Variants in PAN2 observed in about 807,000 individuals in gnomAD.
The protein encoded by PAN2 is PAN2-PAN3 deadenylation complex catalytic subunit PAN2.
A neutral mutation model predicts 133.3 loss-of-function variants in PAN2; 68 were observed. The ratio of observed to expected loss-of-function variants is 0.51; its 90% CI spans 0.42 to 0.62. The LOEUF (loss-of-function observed/expected upper bound fraction) is 0.62. Ranked by LOEUF, PAN2 falls within the 20% of genes least tolerant of loss-of-function variation. PAN2 has a pLI of 0.00. For missense variants in PAN2, 1,042 were observed against 1,500.5 expected (o/e 0.69, Z 5.05); for synonymous variants, 462 against 544.6 (o/e 0.85, Z 2.11).
intron 2 of PAN2, among the ~76,000 whole-genome samples, chr12:56,332,011 C>G (rs546677270): frequency 1.3e-5 from 2 of 152,138 alleles, no homozygotes; most frequent in South Asian, 4.1e-4. Context: ...CCGGTCCCGG[C>G]CGGACAGCAC....
chr12:56,329,942 TAAAAA>T (rs11304868), intron 2 of PAN2, among the ~76,000 whole-genome samples: 2 of 130,136 alleles, frequency 1.5e-5, no homozygotes, highest in Non-Finnish European at 1.6e-5. Flanking sequence ...AGATTCCACC[TAAAAA>T]AAAAAAAAAA....
In PAN2 at chr12:56,326,759, ACT is replaced by A; in HGVS notation, c.1118_1119del (p.Glu373ValfsTer32). The A allele has an allele frequency of 6.2e-6, 10 of 1,614,192 alleles. No homozygotes were observed. Among genetic ancestry groups the A allele is most frequent in the Non-Finnish European group, 8.5e-6 (10 of 1,180,036 alleles). ...GAGTCCACGAGACACGGCAAAGCAA[ACT>A]CAGTCTCACGGGAGTAGGGGTTGAA... ...PSFNPYSRET[E>X]FALPCLVDSL... On this transcript the variant is annotated frameshift_variant, in exon 7 of 26. Coordinates refer to ENST00000440411, the MANE Select transcript of PAN2 (RefSeq NM_014871.6). LOFTEE classifies it high-confidence loss of function.
chr12:56,327,894 C>T (rs1189664647), intron 5 of PAN2, 101 bp downstream of exon 5: 1 of 1,555,564 alleles, frequency 6.4e-7, no homozygotes, highest in Non-Finnish European at 8.7e-7. Flanking sequence ...CATCCCTCAC[C>T]TCCAATCCAA....
intron 20 of PAN2, 137 bp downstream of exon 20, chr12:56,321,941 A>T: frequency 1.8e-6 from 1 of 552,224 alleles, no homozygotes; most frequent in Non-Finnish European, 3.3e-6. Context: ...AGGTCTGATG[A>T]GCAGGAATCT....
In PAN2 at chr12:56,317,328, G is replaced by T; in HGVS notation, c.*281C>A. 2.2e-6 allele frequency: 1 copy of T among 462,330 alleles called. No individual in the cohort carries two copies. Among genetic ancestry groups the T allele is most frequent in the Non-Finnish European group, 3.9e-6 (1 of 257,086 alleles). The allele number at this position is 462,330 out of a possible 1,614,324, so 28.6% of individuals were successfully genotyped here. A position where few individuals can be genotyped will look rare whatever the true frequency, so the allele number is the denominator to read the frequency against. ...CTCTGCCTGGATATTAGTCACCCAGGATATTAAGAATACCAATTACTTTCC... is the reference window on the plus strand; with the variant it reads ...CTCTGCCTGGATATTAGTCACCCAGTATATTAAGAATACCAATTACTTTCC... On this transcript the variant is annotated 3_prime_UTR_variant, in exon 26 of 26. Transcript: ENST00000440411.
intron 4 of PAN2, 49 bp downstream of exon 4, chr12:56,328,189 C>T (rs1342850190): frequency 1.7e-5 from 27 of 1,592,924 alleles, no homozygotes; most frequent in East Asian, 6.7e-5. Context: ...ACCCTGCCCC[C>T]GCAACAACCT....
chr12:56,318,105 A>G (rs1431218053), intron 25 of PAN2, 132 bp downstream of exon 25: 2 of 723,074 alleles, frequency 2.8e-6, no homozygotes, highest in African/African-American at 3.5e-5. Flanking sequence ...TGAGCCCAGG[A>G]AGTCGAGGCT....
intron 20 of PAN2, among the ~76,000 whole-genome samples, chr12:56,320,291 C>T (rs548897521): frequency 6.6e-6 from 1 of 151,886 alleles, no homozygotes; most frequent in African/African-American, 2.4e-5. Flanking sequence ...TTACAGAATC[C>T]AGAAAAAGGT....
chr12:56,325,483 T>C (rs1592439306), intron 8 of PAN2, 29 bp from the exon 9 acceptor site: 3 of 1,612,282 alleles, frequency 1.9e-6, no homozygotes, highest in Admixed American at 1.7e-5. Context: ...GGTAACCTTG[T>C]TGGATGTCTT....
intron 19 of PAN2, 24 bp from the exon 20 acceptor site, chr12:56,322,192 T>C (rs374884684): frequency 7.1e-7 from 1 of 1,413,036 alleles, no homozygotes; most frequent in Non-Finnish European, 1.0e-6. Flanking sequence ...AAAGCACTTA[T>C]GGCTAATGTA....
Position 56,319,271 on chromosome 12 carries a change from C to G in PAN2, c.3270+37G>C, listed in dbSNP as rs776683784. ...CACAATGTATACCCTGAGGGGCCCA[C>G]TCTCACAAGAAGACTCTTAAAAGAG... is the stretch of plus-strand genomic sequence containing the variant. On this transcript the variant is annotated intron_variant, in intron 23 of 25. Transcript: ENST00000440411. This position sits in a 1 kb window ranked among gnomAD's most constrained non-coding sequence, Gnocchi z 5.4. 1 of 1,611,682 alleles carries G rather than the reference C, an allele frequency of 6.2e-7. No individual in the cohort carries two copies. Among genetic ancestry groups the G allele is most frequent in the Non-Finnish European group, 8.5e-7 (1 of 1,178,574 alleles).
chr12:56,318,531 G>C, intron 24 of PAN2, 97 bp from the exon 25 acceptor site: 1 of 883,450 alleles, frequency 1.1e-6, no homozygotes, highest in South Asian at 1.6e-5. Flanking sequence ...TAAAAAGCCT[G>C]ACTGCCCTTA....
rs67869491 is a variant in PAN2 at position 56,331,700 on chromosome 12, GTT to G, written c.282+1111_282+1112del. Among the ~76,000 whole-genome samples the G allele has an allele frequency of 4.8e-5, 6 of 125,330 alleles. No individual in the cohort carries two copies. In the East Asian group the frequency reaches 6.6e-4, roughly 14 times the overall value. 82.2% of individuals were successfully genotyped at this position (125,330 alleles called of 152,430 possible). Reference sequence around the variant, plus strand: ...AGTCAATCAGTAAATGAAGGACAGCGTTTTTTTTTTTTTTGTTTTTTGTTTTT... The same window carrying G: ...AGTCAATCAGTAAATGAAGGACAGCGTTTTTTTTTTTTGTTTTTTGTTTTT... On this transcript the variant is annotated intron_variant, in intron 2 of 25. Transcript: ENST00000440411.
rs143838622 is a variant in PAN2, at chr12:56,328,257, G to A, written c.554C>T (p.Thr185Ile). The change falls in exon 4 of 26, where the codon ACT becomes ATT. Residue 185 changes from threonine to isoleucine, a missense_variant. Around this residue, in one of 3 missense-constraint regions of PAN2, gnomAD observed 908 missense variants for 1,223.5 expected, o/e 0.74. Transcript: ENST00000440411. Reference sequence around the variant, plus strand: ...TTGTACCTTCTGAGTCTCCTGGACAGTGTTAAGATCAATCTCTATTATGTG... The same window carrying A: ...TTGTACCTTCTGAGTCTCCTGGACAATGTTAAGATCAATCTCTATTATGTG... ...QNHIIEIDLN[T>I]VQETQKYAVE... 201 of 1,603,488 alleles carry A rather than the reference G, an allele frequency of 1.3e-4. No homozygotes were observed. Among genetic ancestry groups the A allele is most frequent in the Non-Finnish European group, 1.7e-4 (197 of 1,174,456 alleles).
chr12:56,323,261 G>A, intron 16 of PAN2, 50 bp downstream of exon 16: 1 of 1,613,868 alleles, frequency 6.2e-7, no homozygotes, highest in Non-Finnish European at 8.5e-7. Flanking sequence ...CTTGATAAGA[G>A]GAACCACTGG....
chr12:56,327,494 G>A lies in PAN2; in HGVS notation c.789C>T (p.Cys263=), dbSNP rs369557388. Residue 263 remains cysteine (C), a synonymous_variant, in exon 6 of 26, where the codon TGC becomes TGT. Coordinates refer to ENST00000440411, the MANE Select transcript of PAN2 (RefSeq NM_014871.6). ...AATCATACACCTTGAGGAAACGGTC[G>A]CAGGCCAGGCCAGTGAGGCGGCTGG... is the stretch of plus-strand genomic sequence containing the variant. ...GFSSRLTGLA[C]DRFLKVYDLR... The A allele has an allele frequency of 6.2e-6, 10 of 1,614,112 alleles. No individual in the cohort carries two copies. Among genetic ancestry groups the A allele is most frequent in the Admixed American group, 3.3e-5 (2 of 60,010 alleles).
chr12:56,320,101 G>T, intron 20 of PAN2, 80 bp from the exon 21 acceptor site: 1 of 1,334,806 alleles, frequency 7.5e-7, no homozygotes, highest in South Asian at 1.3e-5. Context: ...GCTGATCATC[G>T]ACTCTGGGTC....
chr12:56,331,591 A>G (rs1298083635), intron 2 of PAN2, among the ~76,000 whole-genome samples: 1 of 152,206 alleles, frequency 6.6e-6, no homozygotes, highest in East Asian at 1.9e-4. Flanking sequence ...TGCCTAGCAT[A>G]GCAGTAGACA....
At chr12:56,329,902 C>A (rs938444642) in intron 2 of PAN2, among the ~76,000 whole-genome samples, 65 of 145,962 alleles carry the variant, frequency 4.5e-4, no homozygotes, top group Non-Finnish European at 3.4e-4. Flanking sequence ...TGAGATGGCA[C>A]CACTTCACTC....
Sources: allele counts gnomAD v4.1 joint callset (sites outside exome capture counted in the v4.1 genomes callset), GRCh38; gene constraint gnomAD v4.1.1; regional missense constraint gnomAD v4.1.1; non-coding constraint Gnocchi (gnomAD v3.1); transcripts MANE v1.5; gene names NCBI Gene and HGNC (gene_info 2026-07-23, HGNC 2026-07-21).